Variants in CRHBP observed in about 807,000 individuals in gnomAD.
CRHBP encodes corticotropin-releasing hormone-binding protein.
CRHBP carries 19 observed loss-of-function variants against 34.9 expected under a neutral mutation model. The ratio of observed to expected loss-of-function variants is 0.55; its 90% CI spans 0.38 to 0.80. CRHBP has a LOEUF of 0.80. Among genes scored for constraint, CRHBP ranks in the 30% least tolerant of loss-of-function variants. The probability of loss-of-function intolerance (pLI) is 0.00; values close to 1 mark genes in which losing one functional copy is unlikely to be tolerated. For missense variants in CRHBP, 328 were observed against 409.2 expected, an observed-to-expected ratio of 0.80 and a Z score of 1.71; for synonymous variants, 154 against 153.4, an observed-to-expected ratio of 1.00 and a Z score of -0.03.
In CRHBP at chr5:76,953,632, T is replaced by C. The variant is rs771552879; in HGVS notation, c.113T>C (p.Leu38Pro). 2.5e-6 allele frequency: 4 copies of C among 1,612,806 alleles called. No homozygotes were observed. In the South Asian group the frequency reaches 3.3e-5, roughly 13 times the overall value. Residue 38 changes from leucine (L) to proline (P), a missense_variant, in exon 2 of 7, where the codon CTG becomes CCG. By Grantham distance (98) the Leu-to-Pro change is moderately conservative (BLOSUM62 -3). This residue lies in a region of CRHBP where 173 missense variants were observed against 172.2 expected (regional missense o/e 1.00). Coordinates refer to ENST00000274368, the MANE Select transcript of CRHBP (RefSeq NM_001882.4). ...LREAADYDPF[L>P]LFSANLKREL... ...GAAGCGGCGGACTACGATCCTTTCC[T>C]GCTCTTCAGCGCCAACCTGAAGCGG...
chr5:76,961,654 C>G (rs1489588845), intron 5 of CRHBP, among the ~76,000 whole-genome samples: 1 of 152,160 alleles, frequency 6.6e-6, no homozygotes, highest in Non-Finnish European at 1.5e-5. Flanking sequence ...CCCACCTGCC[C>G]CTGCTCATTA....
chr5:76,966,157 T>G (rs951589005), intron 6 of CRHBP, among the ~76,000 whole-genome samples: 1 of 152,212 alleles, frequency 6.6e-6, no homozygotes, highest in African/African-American at 2.4e-5. Flanking sequence ...TAGCTGGGAT[T>G]ACAGGCATGT....
chr5:76,968,065 CAG>C (rs1745886462), intron 6 of CRHBP, among the ~76,000 whole-genome samples: 1 of 152,146 alleles, frequency 6.6e-6, no homozygotes, highest in Middle Eastern at 3.4e-3. Context: ...CAGAAAAAAT[CAG>C]AGAAAAGTTG....
chr5:76,958,717 A>C, intron 4 of CRHBP, 24 bp from the exon 5 acceptor site: 1 of 1,595,378 alleles, frequency 6.3e-7, no homozygotes, highest in Non-Finnish European at 8.5e-7. Flanking sequence ...AGGAAACGTG[A>C]ATTTCTTTTT....
At chr5:76,978,638 C>T (rs928589885) in intron 3 of CRHBP, among the ~76,000 whole-genome samples, 1 of 152,192 alleles carries the variant, frequency 6.6e-6, no homozygotes, top group Admixed American at 6.5e-5. Context: ...GTTTTCATGC[C>T]TGCTAACATA....
At chr5:76,962,636 A>G (rs1018160) in intron 5 of CRHBP, among the ~76,000 whole-genome samples, 41,279 of 150,442 alleles carry the variant, frequency 0.27, 6,027 homozygotes, top group East Asian at 0.36. Flanking sequence ...AAAAAAAAAA[A>G]GGGGGAAGCA....
chr5:76,953,885 A>G (rs554013200), intron 2 of CRHBP, 144 bp from the exon 3 acceptor site: 24 of 1,201,974 alleles, frequency 2.0e-5, no homozygotes, highest in Middle Eastern at 2.9e-4. Context: ...CCCGGGGCGC[A>G]GGAACCCAGC....
At chr5:76,967,280 A>G (rs1265059386) in intron 6 of CRHBP, among the ~76,000 whole-genome samples, 1 of 152,020 alleles carries the variant, frequency 6.6e-6, no homozygotes, top group African/African-American at 2.4e-5. Flanking sequence ...AGAAATTTGG[A>G]CCTCCTGGTA....
intron 1 of CRHBP, 23 bp from the exon 2 acceptor site, chr5:76,953,578 G>A (rs897140771): frequency 1.2e-6 from 2 of 1,606,928 alleles, no homozygotes; most frequent in South Asian, 2.2e-5. Flanking sequence ...AACTTTTCCG[G>A]ACTGACCTAT....
At chr5:76,953,508 T>A in intron 1 of CRHBP, 93 bp from the exon 2 acceptor site, 1 of 1,224,984 alleles carries the variant, frequency 8.2e-7, no homozygotes. Flanking sequence ...CTTTATTCGC[T>A]ATGCTGAGTG....
chr5:76,968,856 A>G lies in CRHBP; in HGVS notation c.940A>G (p.Ile314Val). The G allele has an allele frequency of 1.2e-6, 2 of 1,614,064 alleles. No homozygotes were observed. The highest frequency in any genetic ancestry group is 1.7e-6 in the Non-Finnish European group (2 of 1,179,978). ...GCTGGAAAACCCAAATGGAAACAGT[A>G]TCGGGGAATTCTGTTTGTCTGGTCT... ...YELENPNGNSIGEFCLSGL is the reference protein window; with the variant it reads ...YELENPNGNSVGEFCLSGL The change falls in exon 7 of 7, where the codon ATC becomes GTC. Residue 314 changes from isoleucine (I) to valine (V), a missense_variant. Transcript: ENST00000274368.
intron 3 of CRHBP, among the ~76,000 whole-genome samples, chr5:76,955,435 T>G (rs1005839515): frequency 6.6e-6 from 1 of 152,180 alleles, no homozygotes; most frequent in Non-Finnish European, 1.5e-5. Flanking sequence ...CTTTGGAAGC[T>G]TTAAGGCTTA....
At chr5:76,959,422 G>A (rs939060973) in intron 5 of CRHBP, among the ~76,000 whole-genome samples, 1 of 152,130 alleles carries the variant, frequency 6.6e-6, no homozygotes, top group East Asian at 1.9e-4. Context: ...AATACATTTT[G>A]CCTAAAAAAT....
chr5:76,967,433 C>G (rs1745876416), intron 6 of CRHBP, among the ~76,000 whole-genome samples: 1 of 152,032 alleles, frequency 6.6e-6, no homozygotes. Flanking sequence ...GAGTGGTACC[C>G]ATTACACGAG....
At chr5:76,965,878 A>G (rs982388591) in intron 6 of CRHBP, among the ~76,000 whole-genome samples, 1 of 152,228 alleles carries the variant, frequency 6.6e-6, no homozygotes. Flanking sequence ...CAAAACGCAC[A>G]AAGTAACAAA....
chr5:76,978,804 T>A (rs1349554236), intron 3 of CRHBP, among the ~76,000 whole-genome samples: 30 of 152,218 alleles, frequency 2.0e-4, no homozygotes. Flanking sequence ...AAATTTAGAA[T>A]GGTACATAAA....
chr5:76,968,529 G>A (rs10062367), intron 6 of CRHBP, among the ~76,000 whole-genome samples, 199 bp from the exon 7 acceptor site: 37,426 of 151,964 alleles, frequency 0.25, 5,130 homozygotes, highest in African/African-American at 0.37. Flanking sequence ...GAATTCAATT[G>A]CACTATTCTA....
chr5:76,959,721 T>C (rs926671775), intron 5 of CRHBP, among the ~76,000 whole-genome samples: 1 of 152,246 alleles, frequency 6.6e-6, no homozygotes. Flanking sequence ...ATTCATGGAC[T>C]AGTGCCTGCT....
chr5:76,953,715 T>C (rs1439193561), intron 2 of CRHBP, 21 bp downstream of exon 2: 5 of 1,588,130 alleles, frequency 3.1e-6, no homozygotes, highest in East Asian at 4.6e-5. Flanking sequence ...GCTGCCCGGC[T>C]CGCGGGCGCC....
Sources: allele counts gnomAD v4.1 joint callset (sites outside exome capture counted in the v4.1 genomes callset), GRCh38; gene constraint gnomAD v4.1.1; regional missense constraint gnomAD v4.1.1; transcripts MANE v1.5; gene names NCBI Gene and HGNC (gene_info 2026-07-23, HGNC 2026-07-21).